Variants in CFAP107 observed in about 807,000 individuals in gnomAD.
CFAP107 encodes cilia and flagella associated protein 107.
the CFAP107 span, among the ~76,000 whole-genome samples, chr1:12,751,626 C>CT: frequency 6.6e-6 from 1 of 152,038 alleles, no homozygotes; most frequent in African/African-American, 2.4e-5. Flanking sequence ...GACTCCATCT[C>CT]TAAACAAACA....
At chr1:12,746,560 T>C in the CFAP107 span, 2 of 1,570,664 alleles carry the variant, frequency 1.3e-6, no homozygotes, top group Admixed American at 1.7e-5. Context: ...ACGAGAGAGG[T>C]TGGAGAGAGG....
the CFAP107 span, among the ~76,000 whole-genome samples, chr1:12,758,971 T>G: frequency 6.6e-6 from 1 of 152,120 alleles, no homozygotes; most frequent in East Asian, 1.9e-4. Context: ...CAGGCTGCAA[T>G]TTCAGATCAC....
chr1:12,748,753 TA>T, the CFAP107 span, among the ~76,000 whole-genome samples: 1 of 152,066 alleles, frequency 6.6e-6, no homozygotes, highest in African/African-American at 2.4e-5. Context: ...AGCATCAAGG[TA>T]CTAGTCAAAT....
chr1:12,760,909 C>A, the CFAP107 span: 1 of 1,613,886 alleles, frequency 6.2e-7, no homozygotes, highest in South Asian at 1.1e-5. Flanking sequence ...AGCATGCGGT[C>A]CCGGTCCCTC....
chr1:12,759,426 C>T, the CFAP107 span: 1 of 1,614,202 alleles, frequency 6.2e-7, no homozygotes, highest in Non-Finnish European at 8.5e-7. Flanking sequence ...TGCCTCCACT[C>T]CGCACTTGGA....
At chr1:12,751,080 TA>T in the CFAP107 span, among the ~76,000 whole-genome samples, 3 of 150,656 alleles carry the variant, frequency 2.0e-5, no homozygotes, top group African/African-American at 7.3e-5. Flanking sequence ...ACAGAAAAAT[TA>T]AAAAATAGTA....
At chr1:12,760,843 G>C in the CFAP107 span, 4 of 1,614,172 alleles carry the variant, frequency 2.5e-6, no homozygotes, top group Non-Finnish European at 3.4e-6. Context: ...GCCTGAAGCA[G>C]AGCACTTATA....
the CFAP107 span, chr1:12,759,284 C>T: frequency 4.8e-4 from 778 of 1,609,000 alleles, 3 homozygotes; most frequent in African/African-American, 6.4e-3. Flanking sequence ...CTATCAGTAA[C>T]GAGCCCACTG....
chr1:12,759,399 T>C, the CFAP107 span: 3 of 1,614,170 alleles, frequency 1.9e-6, no homozygotes, highest in Non-Finnish European at 2.5e-6. Context: ...ACAACCGGCA[T>C]GGTTACAACC....
the CFAP107 span, among the ~76,000 whole-genome samples, chr1:12,756,740 T>C: frequency 6.6e-6 from 1 of 152,162 alleles, no homozygotes; most frequent in African/African-American, 2.4e-5. Context: ...AATTGGGGCA[T>C]TTTAGTGCTT....
the CFAP107 span, among the ~76,000 whole-genome samples, chr1:12,757,739 C>A: frequency 2.0e-5 from 3 of 151,978 alleles, no homozygotes; most frequent in Non-Finnish European, 2.9e-5. Context: ...TGGGATGGGG[C>A]CCTGAACATA....
At chr1:12,746,831 A>G in the CFAP107 span, among the ~76,000 whole-genome samples, 3 of 152,128 alleles carry the variant, frequency 2.0e-5, no homozygotes, top group African/African-American at 4.8e-5. Flanking sequence ...CAGGGTGTCA[A>G]TATAGTCGTG....
At chr1:12,751,307 T>C in the CFAP107 span, among the ~76,000 whole-genome samples, 1 of 151,358 alleles carries the variant, frequency 6.6e-6, no homozygotes, top group Non-Finnish European at 1.5e-5. Flanking sequence ...AAATAGGAAA[T>C]AGGAAAACAA....
At chr1:12,755,627 G>T in the CFAP107 span, 5 of 966,614 alleles carry the variant, frequency 5.2e-6, no homozygotes, top group South Asian at 5.3e-5. Flanking sequence ...GATGGCCCAG[G>T]AGGTAAGGGG....
the CFAP107 span, among the ~76,000 whole-genome samples, chr1:12,758,183 G>A: frequency 3.3e-5 from 5 of 151,320 alleles, no homozygotes; most frequent in Non-Finnish European, 7.4e-5. Flanking sequence ...GGCATGGCGT[G>A]CCCTTCCTCT....
chr1:12,760,169 AG>A, the CFAP107 span, among the ~76,000 whole-genome samples: 1 of 152,128 alleles, frequency 6.6e-6, no homozygotes, highest in South Asian at 2.1e-4. Flanking sequence ...GGAATGGAGG[AG>A]GATCATGTAG....
the CFAP107 span, among the ~76,000 whole-genome samples, chr1:12,751,337 C>A: frequency 6.6e-6 from 1 of 151,888 alleles, no homozygotes; most frequent in Admixed American, 6.6e-5. Context: ...TCAATAAAAC[C>A]GAGTTGGGAC....
chr1:12,754,825 G>A, the CFAP107 span, among the ~76,000 whole-genome samples: 2 of 152,196 alleles, frequency 1.3e-5, no homozygotes, highest in African/African-American at 2.4e-5. Context: ...TACAGAGAAA[G>A]TAGAGTGATG....
the CFAP107 span, chr1:12,746,348 T>A: frequency 8.9e-7 from 1 of 1,122,920 alleles, no homozygotes; most frequent in Admixed American, 1.9e-5. Context: ...CACCCCAAAC[T>A]CAGCAACTTC....
Sources: allele counts gnomAD v4.1 joint callset (sites outside exome capture counted in the v4.1 genomes callset), GRCh38; gene constraint gnomAD v4.1.1; transcripts MANE v1.5; gene names NCBI Gene and HGNC (gene_info 2026-07-23, HGNC 2026-07-21).